The following MNS1 variants were observed in gnomAD, a reference collection of about 807,000 sequenced individuals.
The protein encoded by MNS1 is meiosis-specific nuclear structural protein 1.
Under a neutral mutation model 72.0 loss-of-function variants are expected in MNS1, and 63 were observed. The ratio of observed to expected loss-of-function variants is 0.87; its 90% CI spans 0.71 to 1.08. The LOEUF (loss-of-function observed/expected upper bound fraction) is 1.08, where lower values mean the gene tolerates loss of function less well. Among genes scored for constraint, MNS1 ranks in the 50% least tolerant of loss-of-function variants. MNS1 has a pLI of 0.00. For missense variants in MNS1, 604 were observed against 562.4 expected (o/e 1.07, Z -0.75); for synonymous variants, 188 against 172.1 (o/e 1.09, Z -0.72).
intron 3 of MNS1, 137 bp from the exon 4 acceptor site, chr15:56,447,080 A>G (rs2050910993): frequency 1.6e-6 from 1 of 610,390 alleles, no homozygotes; most frequent in Non-Finnish European, 2.8e-6. Context: ...CATAGGAGAA[A>G]TAATTCATTA....
At chr15:56,449,666 T>C (rs2050934954) in intron 3 of MNS1, among the ~76,000 whole-genome samples, 1 of 152,134 alleles carries the variant, frequency 6.6e-6, no homozygotes, top group Non-Finnish European at 1.5e-5. Context: ...TCCTGAATGT[T>C]TGGTAAAATT....
Position 56,443,535 on chromosome 15 carries a change from C to A in MNS1, c.906G>T (p.Leu302Phe). 6.3e-7 allele frequency: 1 copy of A among 1,584,276 alleles called. No individual in the cohort carries two copies. The change falls in exon 7 of 10, where the codon TTG (leucine) becomes TTT (phenylalanine). Residue 302 changes from leucine (L) to phenylalanine (F), a missense_variant and splice_region_variant. Coordinates refer to ENST00000260453, the MANE Select transcript of MNS1 (RefSeq NM_018365.4). Reference protein sequence around the residue: ...EEKRLQLQNALTQKLEEMLRQ... With the variant: ...EEKRLQLQNAFTQKLEEMLRQ... Reference sequence around the variant, plus strand: ...GCAGCATTTCTTCTAATTTCTGTGTCAACTATTAAATTTTTTAAAAAACAT... The same window carrying A: ...GCAGCATTTCTTCTAATTTCTGTGTAAACTATTAAATTTTTTAAAAAACAT...
Position 56,429,133 on chromosome 15 carries a change from G to C in MNS1, c.1456C>G (p.Gln486Glu). 1.9e-6 allele frequency: 3 copies of C among 1,600,486 alleles called. No homozygotes were observed. Among genetic ancestry groups the C allele is most frequent in the Non-Finnish European group, 1.7e-6 (2 of 1,174,356 alleles). The stretch of plus-strand genomic sequence containing the variant: ...TCTTCACAAATTTCACTCCTTTGTT[G>C]ATATACTTTCCTGAACTCTTCACCA... ...LLGEEFRKVY[Q>E]QRSEICEEK Residue 486 changes from glutamine to glutamate, a missense_variant, in exon 10 of 10, where the codon CAA (glutamine) becomes GAA (glutamate). Coordinates refer to ENST00000260453, the MANE Select transcript of MNS1 (RefSeq NM_018365.4).
chr15:56,464,889 C>T (rs372368495), intron 1 of MNS1, 81 bp downstream of exon 1: 3 of 1,591,692 alleles, frequency 1.9e-6, no homozygotes, highest in Non-Finnish European at 8.6e-7. Flanking sequence ...CACTTAAAAT[C>T]CTTTTTTAGA....
Position 56,460,009 on chromosome 15 carries a change from A to AAAAAAAAATATATATATATATATAT in MNS1, c.226-3489_226-3488insATATATATATATATATATTTTTTTT. 6.4e-4 allele frequency among the ~76,000 whole-genome samples: 17 copies of AAAAAAAAATATATATATATATATAT among 26,368 alleles called. 4 individuals are homozygous for AAAAAAAAATATATATATATATATAT. Among genetic ancestry groups the AAAAAAAAATATATATATATATATAT allele is most frequent in the Non-Finnish European group, 1.2e-3 (17 of 14,290 alleles). 17.3% of individuals were successfully genotyped at this position (26,368 alleles called of 152,430 possible). On this transcript the variant is annotated intron_variant, in intron 2 of 9. Transcript: ENST00000260453. ...CTGTCTCAAAAAAAAAAAAAAAAAA[A>AAAAAAAAATATATATATATATATAT]ATACATATATATATATATATATATA... is the stretch of plus-strand genomic sequence containing the variant.
At chr15:56,437,732 C>A (rs1282523570) in intron 7 of MNS1, among the ~76,000 whole-genome samples, 19 of 151,980 alleles carry the variant, frequency 1.3e-4, no homozygotes, top group Middle Eastern at 3.2e-3. Context: ...GTCTCAGCCC[C>A]AAATCTCCTT....
chr15:56,438,270 A>G (rs1255736708), intron 7 of MNS1, among the ~76,000 whole-genome samples: 1 of 152,210 alleles, frequency 6.6e-6, no homozygotes, highest in African/African-American at 2.4e-5. Context: ...AAACAGAGAT[A>G]TAGACCAATG....
chr15:56,437,133 G>A (rs139322163), intron 7 of MNS1, among the ~76,000 whole-genome samples: 10 of 151,098 alleles, frequency 6.6e-5, no homozygotes, highest in South Asian at 2.1e-4. Context: ...TACTTTGGTC[G>A]TCTGTCATCC....
At chr15:56,446,657 A>G (rs1341815783) in intron 4 of MNS1, among the ~76,000 whole-genome samples, 184 bp downstream of exon 4, 2 of 152,056 alleles carry the variant, frequency 1.3e-5, no homozygotes, top group African/African-American at 4.8e-5. Context: ...TGTTTCTGAA[A>G]GGCTCTAATA....
chr15:56,457,631 G>A (rs1329765198), intron 2 of MNS1, among the ~76,000 whole-genome samples: 3 of 152,116 alleles, frequency 2.0e-5, no homozygotes, highest in Non-Finnish European at 4.4e-5. Flanking sequence ...AGACCAGCCT[G>A]GGCAACATAG....
At chr15:56,450,080 C>G (rs2050938096) in intron 3 of MNS1, among the ~76,000 whole-genome samples, 1 of 152,074 alleles carries the variant, frequency 6.6e-6, no homozygotes, top group Non-Finnish European at 1.5e-5. Context: ...TTCCTCCTAC[C>G]TTCTTTTTGT....
chr15:56,461,052 G>A (rs780579989), intron 2 of MNS1, among the ~76,000 whole-genome samples: 23 of 152,302 alleles, frequency 1.5e-4, no homozygotes, highest in Non-Finnish European at 2.2e-4. Flanking sequence ...AAATGTCCCA[G>A]CTGAAAGGCA....
At chr15:56,433,088 C>G (rs74015426) in intron 8 of MNS1, among the ~76,000 whole-genome samples, 1 of 152,148 alleles carries the variant, frequency 6.6e-6, no homozygotes, top group Non-Finnish European at 1.5e-5. Context: ...TAATCTTCCC[C>G]TGGGCCACCA....
At chr15:56,436,148 T>C (rs55690618) in intron 7 of MNS1, among the ~76,000 whole-genome samples, 3,040 of 152,258 alleles carry the variant, frequency 0.02, 111 homozygotes, top group African/African-American at 0.07. Flanking sequence ...ATCAACAGAA[T>C]ATACATTCTT....
chr15:56,437,591 A>G (rs2050749386), intron 7 of MNS1, among the ~76,000 whole-genome samples: 1 of 152,210 alleles, frequency 6.6e-6, no homozygotes, highest in East Asian at 1.9e-4. Context: ...CTCCTATTCA[A>G]CATAGTGTTG....
At chr15:56,444,873 A>C (rs924465737) in intron 4 of MNS1, among the ~76,000 whole-genome samples, 200 bp from the exon 5 acceptor site, 1 of 152,058 alleles carries the variant, frequency 6.6e-6, no homozygotes, top group African/African-American at 2.4e-5. Flanking sequence ...CAGCTTTCCT[A>C]TCCCTTCAAG....
chr15:56,429,136 A>G lies in MNS1; in HGVS notation c.1453T>C (p.Tyr485His), dbSNP rs147202882. 45 of 1,602,454 alleles carry G rather than the reference A, an allele frequency of 2.8e-5. No homozygotes were observed. The highest frequency in any genetic ancestry group is 3.7e-5 in the Non-Finnish European group (43 of 1,175,406). ...TCACAAATTTCACTCCTTTGTTGAT[A>G]TACTTTCCTGAACTCTTCACCAAGC... Reference protein sequence around the residue: ...DLLGEEFRKVYQQRSEICEEK With the variant: ...DLLGEEFRKVHQQRSEICEEK Residue 485 changes from tyrosine to histidine, a missense_variant, in exon 10 of 10, where the codon TAT becomes CAT. Tyr to His is a moderately conservative substitution (Grantham distance 83). Coordinates refer to ENST00000260453, the MANE Select transcript of MNS1 (RefSeq NM_018365.4).
At chr15:56,431,561 TAAAA>T in intron 8 of MNS1, 63 bp from the exon 9 acceptor site, 1 of 1,545,388 alleles carries the variant, frequency 6.5e-7, no homozygotes, top group Non-Finnish European at 8.9e-7. Flanking sequence ...AGTTTTCAAA[TAAAA>T]CTACTCATGC....
At chr15:56,429,392 C>T in intron 9 of MNS1, 199 bp from the exon 10 acceptor site, 1 of 439,818 alleles carries the variant, frequency 2.3e-6, no homozygotes. Context: ...CTAGACTGAC[C>T]CAATTTTCTG....
Sources: allele counts gnomAD v4.1 joint callset (sites outside exome capture counted in the v4.1 genomes callset), GRCh38; gene constraint gnomAD v4.1.1; transcripts MANE v1.5; gene names NCBI Gene and HGNC (gene_info 2026-07-23, HGNC 2026-07-21).